The following TMEM132D variants were observed in gnomAD, a reference collection of about 807,000 sequenced individuals.
TMEM132D encodes mature OL transmembrane protein.
A neutral mutation model predicts 62.3 loss-of-function variants in TMEM132D; 21 were observed. The ratio of observed to expected loss-of-function variants is 0.34; its 90% confidence interval spans 0.24 to 0.49. TMEM132D has a LOEUF of 0.49. Among genes scored for constraint, TMEM132D ranks in the 20% least tolerant of loss-of-function variants. TMEM132D has a pLI of 0.99. For synonymous variants in TMEM132D, 621 were observed against 575.6 expected (o/e 1.08, Z -1.13); for missense variants, 1,346 against 1,402.8 (o/e 0.96, Z 0.65).
intron 1 of TMEM132D, among the ~76,000 whole-genome samples, chr12:129,876,939 G>A (rs1193267915): frequency 6.6e-6 from 1 of 152,102 alleles, no homozygotes; most frequent in Non-Finnish European, 1.5e-5. Context: ...CTCACTATAT[G>A]AACTGATACA....
At chr12:129,193,769 G>A (rs1245301694) in intron 5 of TMEM132D, among the ~76,000 whole-genome samples, 1 of 152,168 alleles carries the variant, frequency 6.6e-6, no homozygotes, top group African/African-American at 2.4e-5. Context: ...GTAAGTCCAG[G>A]AATATAGAAA....
intron 4 of TMEM132D, among the ~76,000 whole-genome samples, chr12:129,329,466 A>G (rs549566744): frequency 1.3e-5 from 2 of 152,360 alleles, no homozygotes; most frequent in African/African-American, 4.8e-5. Context: ...TGAACAGTCA[A>G]ATAAAAAGAG....
chr12:129,163,341 G>A (rs928400217), intron 5 of TMEM132D, among the ~76,000 whole-genome samples: 1 of 152,194 alleles, frequency 6.6e-6, no homozygotes, highest in Non-Finnish European at 1.5e-5. Flanking sequence ...AGTTAAATGA[G>A]TTCTGGGACT....
intron 3 of TMEM132D, among the ~76,000 whole-genome samples, chr12:129,387,632 T>C (rs1447625739): frequency 6.6e-6 from 1 of 151,904 alleles, no homozygotes; most frequent in Non-Finnish European, 1.5e-5. Context: ...CTAACAATAA[T>C]ACTAACGTTA....
At position 129,192,489 on chromosome 12, in the gene TMEM132D, T is replaced by C. The variant is rs1474401866; in HGVS notation, c.1443+17031A>G. ...GAAGCTTCTGTAACTGACTCTAACATTGAAATCAAGATTCTGTGGCAAATT... is the reference window on the plus strand; with the variant it reads ...GAAGCTTCTGTAACTGACTCTAACACTGAAATCAAGATTCTGTGGCAAATT... On this transcript the variant is annotated intron_variant, in intron 5 of 8. Coordinates refer to ENST00000422113, the MANE Select transcript of TMEM132D (RefSeq NM_133448.3). Among the ~76,000 whole-genome samples the C allele has an allele frequency of 1.2e-3, 190 of 152,352 alleles. 1 individual carries two copies. Among genetic ancestry groups the C allele is most frequent in the African/African-American group, 4.2e-3 (175 of 41,588 alleles).
intron 5 of TMEM132D, among the ~76,000 whole-genome samples, chr12:129,188,872 T>C (rs1416912154): frequency 3.9e-5 from 6 of 152,072 alleles, no homozygotes; most frequent in Non-Finnish European, 5.9e-5. Context: ...TGAGCTCCCA[T>C]GTACCTTGAG....
chr12:129,861,573 C>G lies in TMEM132D; in HGVS notation c.79+41688G>C, dbSNP rs542223938. ...GACAGTAGTTCGAGACCAGCCTGGC[C>G]AACATGGCGAAACCCCATCTCTACT... On this transcript the variant is annotated intron_variant, in intron 1 of 8. Coordinates refer to ENST00000422113, the MANE Select transcript of TMEM132D (RefSeq NM_133448.3). 2.0e-5 allele frequency among the ~76,000 whole-genome samples: 3 copies of G among 152,152 alleles called. No individual in the cohort carries two copies. The South Asian group carries it at 6.3e-4, about 32-fold the overall frequency.
At chr12:129,772,745 AGCAGAGGCC>A (rs570745680) in intron 1 of TMEM132D, among the ~76,000 whole-genome samples, 18 of 152,384 alleles carry the variant, frequency 1.2e-4, no homozygotes, top group African/African-American at 4.3e-4. Flanking sequence ...CCTCTAAGCC[AGCAGAGGCC>A]CAGGGCTGTG....
intron 2 of TMEM132D, among the ~76,000 whole-genome samples, chr12:129,605,525 T>A (rs1878591797): frequency 6.7e-6 from 1 of 149,984 alleles, no homozygotes; most frequent in Non-Finnish European, 1.5e-5. Flanking sequence ...CATACATCAG[T>A]TCCCCTTGGA....
intron 1 of TMEM132D, among the ~76,000 whole-genome samples, chr12:129,796,776 G>A (rs1409364133): frequency 1.3e-5 from 2 of 152,164 alleles, no homozygotes; most frequent in Non-Finnish European, 2.9e-5. Context: ...AATACCTGAT[G>A]TAGATGACGA....
chr12:129,204,782 G>A (rs540979441), intron 5 of TMEM132D, among the ~76,000 whole-genome samples: 2 of 152,188 alleles, frequency 1.3e-5, no homozygotes, highest in African/African-American at 4.8e-5. Flanking sequence ...AGAGAGAAGG[G>A]GCAGGTCACC....
intron 2 of TMEM132D, among the ~76,000 whole-genome samples, chr12:129,600,898 G>C (rs1334665270): frequency 6.6e-6 from 1 of 152,126 alleles, no homozygotes; most frequent in African/African-American, 2.4e-5. Flanking sequence ...GAATTTCAGA[G>C]TGGTAAATGC....
intron 2 of TMEM132D, among the ~76,000 whole-genome samples, chr12:129,673,501 T>C (rs1411823352): frequency 6.6e-6 from 1 of 152,192 alleles, no homozygotes; most frequent in Non-Finnish European, 1.5e-5. Flanking sequence ...ATCTGAAATT[T>C]CTGCTTGAAA....
At chr12:129,696,043 G>A (rs576225801) in intron 2 of TMEM132D, among the ~76,000 whole-genome samples, 7 of 152,144 alleles carry the variant, frequency 4.6e-5, no homozygotes, top group African/African-American at 1.2e-4. Context: ...GGCCAACACA[G>A]GTTCAAAGGT....
At chr12:129,810,022 G>A (rs1423467997) in intron 1 of TMEM132D, among the ~76,000 whole-genome samples, 2 of 152,162 alleles carry the variant, frequency 1.3e-5, no homozygotes, top group African/African-American at 4.8e-5. Flanking sequence ...GTATAATTAG[G>A]AGGAGGAGGA....
At chr12:129,829,719 A>T (rs755537884) in intron 1 of TMEM132D, among the ~76,000 whole-genome samples, 14 of 152,044 alleles carry the variant, frequency 9.2e-5, no homozygotes, top group Admixed American at 2.0e-4. Flanking sequence ...AGCACAGGAG[A>T]TGGGGGAGCT....
intron 3 of TMEM132D, among the ~76,000 whole-genome samples, chr12:129,419,381 C>T (rs760397859): frequency 3.9e-5 from 6 of 152,006 alleles, no homozygotes; most frequent in Non-Finnish European, 7.3e-5. Flanking sequence ...CTTTTCCCTG[C>T]GTATTAGGGG....
rs551141106 is a variant in TMEM132D, at chr12:129,244,622, G to T, written c.1300-34959C>A. Among the ~76,000 whole-genome samples the T allele has an allele frequency of 5.9e-5, 9 of 151,770 alleles. No individual in the cohort carries two copies. In the East Asian group the frequency reaches 1.7e-3, roughly 29 times the overall value. ...GTTTTTTTATGTTTGTTTGTTTTTT[G>T]TTTTATTTTTGTTTTGTTTTGTTTT... On this transcript the variant is annotated intron_variant, in intron 4 of 8. Transcript: ENST00000422113.
chr12:129,486,732 T>G (rs774095739), intron 3 of TMEM132D, among the ~76,000 whole-genome samples: 21 of 152,160 alleles, frequency 1.4e-4, no homozygotes, highest in Admixed American at 1.0e-3. Flanking sequence ...TCTTCTCACT[T>G]GTTTACCAAT....
Sources: allele counts gnomAD v4.1 joint callset (sites outside exome capture counted in the v4.1 genomes callset), GRCh38; gene constraint gnomAD v4.1.1; transcripts MANE v1.5; gene names NCBI Gene and HGNC (gene_info 2026-07-23, HGNC 2026-07-21).